Variants in LINGO2 observed in about 807,000 individuals in gnomAD.
LINGO2 encodes leucine-rich repeat and immunoglobulin-like domain-containing nogo receptor-interacting protein 2.
A neutral mutation model predicts 30.6 loss-of-function variants in LINGO2; 14 were observed. The observed-to-expected ratio is 0.46, with a 90% CI of 0.30 to 0.72. The LOEUF (loss-of-function observed/expected upper bound fraction) is 0.72, where lower values mean the gene tolerates loss of function less well. LINGO2 is among the 30% of genes least tolerant of loss of function. The pLI, the probability that LINGO2 is intolerant of heterozygous loss-of-function variation, is 0.07. For missense variants in LINGO2, 729 were observed against 751.7 expected, an observed-to-expected ratio of 0.97 and a Z score of 0.35; for synonymous variants, 317 against 288.5, an observed-to-expected ratio of 1.10 and a Z score of -1.00.
chr9:29,057,266 G>C, the LINGO2 span, among the ~76,000 whole-genome samples: 2 of 151,982 alleles, frequency 1.3e-5, no homozygotes, highest in Admixed American at 6.6e-5. Context: ...CTAAAATTAT[G>C]TATTAAAATA....
At chr9:28,379,186 G>A (rs763289046) in intron 2 of LINGO2, among the ~76,000 whole-genome samples, 12 of 152,054 alleles carry the variant, frequency 7.9e-5, no homozygotes, top group African/African-American at 2.9e-4. Flanking sequence ...GGTAAATTTT[G>A]AAGGAAGTAT....
At chr9:28,572,518 CG>C (rs1823745729) in intron 1 of LINGO2, among the ~76,000 whole-genome samples, 1 of 152,134 alleles carries the variant, frequency 6.6e-6, no homozygotes, top group South Asian at 2.1e-4. Flanking sequence ...ACAACAAGGC[CG>C]CTCTTCATGG....
intron 1 of LINGO2, among the ~76,000 whole-genome samples, chr9:28,640,886 G>C (rs142855254): frequency 6.6e-6 from 1 of 152,150 alleles, no homozygotes; most frequent in Non-Finnish European, 1.5e-5. Context: ...CGTTCCTTTA[G>C]AGGAGGAGAG....
chr9:28,728,060 A>AGT, the LINGO2 span, among the ~76,000 whole-genome samples: 1 of 152,222 alleles, frequency 6.6e-6, no homozygotes, highest in Admixed American at 6.5e-5. Flanking sequence ...GGAAATTAAA[A>AGT]GTGGTCAGAA....
At chr9:28,409,976 G>A (rs1317874378) in intron 2 of LINGO2, among the ~76,000 whole-genome samples, 2 of 148,164 alleles carry the variant, frequency 1.3e-5, no homozygotes, top group Admixed American at 6.7e-5. Context: ...GGGAGGGAGA[G>A]AAATAAAGGG....
the LINGO2 span, among the ~76,000 whole-genome samples, chr9:28,799,183 A>C: frequency 6.6e-6 from 1 of 152,140 alleles, no homozygotes; most frequent in African/African-American, 2.4e-5. Flanking sequence ...ATGAAGGAGT[A>C]GTGTTAGAAA....
chr9:29,112,355 A>G, the LINGO2 span, among the ~76,000 whole-genome samples: 1 of 152,094 alleles, frequency 6.6e-6, no homozygotes, highest in Non-Finnish European at 1.5e-5. Context: ...CTGAAACTCT[A>G]GGGACCTGGC....
the LINGO2 span, among the ~76,000 whole-genome samples, chr9:28,881,861 G>A: frequency 1.3e-5 from 2 of 152,158 alleles, no homozygotes; most frequent in African/African-American, 4.8e-5. Context: ...GTGTCCATGT[G>A]TGCTCATCAT....
the LINGO2 span, among the ~76,000 whole-genome samples, chr9:29,166,720 C>T: frequency 6.6e-6 from 1 of 152,120 alleles, no homozygotes; most frequent in Non-Finnish European, 1.5e-5. Context: ...AAACTCCTTA[C>T]ATAACTTCAG....
the LINGO2 span, among the ~76,000 whole-genome samples, chr9:28,739,451 GA>G: frequency 6.6e-6 from 1 of 151,790 alleles, no homozygotes; most frequent in Non-Finnish European, 1.5e-5. Context: ...AATCATGAAT[GA>G]AAAGAGTAAA....
the LINGO2 span, among the ~76,000 whole-genome samples, chr9:29,017,037 A>G: frequency 6.6e-6 from 1 of 152,178 alleles, no homozygotes; most frequent in African/African-American, 2.4e-5. Context: ...TGGCATAATT[A>G]TAAGATTTTA....
At chr9:29,102,830 T>C in the LINGO2 span, among the ~76,000 whole-genome samples, 1 of 152,156 alleles carries the variant, frequency 6.6e-6, no homozygotes, top group East Asian at 1.9e-4. Context: ...ACATGTTACA[T>C]TAAAATTCTA....
chr9:28,608,573 G>T (rs1825787885), intron 1 of LINGO2, among the ~76,000 whole-genome samples: 1 of 151,898 alleles, frequency 6.6e-6, no homozygotes, highest in Admixed American at 6.6e-5. Flanking sequence ...GTTTGTTGAA[G>T]TTTAATAGCT....
chr9:28,147,868 T>G lies in LINGO2; in HGVS notation c.-86-135463A>C, dbSNP rs970124784. On this transcript the variant is annotated intron_variant, in intron 4 of 5. Transcript: ENST00000379992. The surrounding 1 kb of genome is among the most constrained non-coding windows in gnomAD (Gnocchi z 4.7). The stretch of plus-strand genomic sequence containing the variant: ...CACCCTGGCTCTGTCACCAGCCCCA[T>G]AGTGATGTCATAAACTCCCAGATGC... Among the ~76,000 whole-genome samples, 6 of 152,070 alleles carry G rather than the reference T, an allele frequency of 3.9e-5. No homozygotes were observed. The East Asian group carries it at 1.2e-3, about 29-fold the overall frequency.
At chr9:28,331,993 T>G (rs10812782) in intron 3 of LINGO2, among the ~76,000 whole-genome samples, 55,086 of 152,024 alleles carry the variant, frequency 0.36, 10,796 homozygotes, top group Non-Finnish European at 0.44. Context: ...CATTTGTAGA[T>G]AATAAAGTTC....
intron 4 of LINGO2, among the ~76,000 whole-genome samples, chr9:28,144,024 A>G (rs1827746303): frequency 6.6e-6 from 1 of 152,158 alleles, no homozygotes; most frequent in Admixed American, 6.5e-5. Flanking sequence ...TTAATAATGG[A>G]TATATTGAAT....
intron 4 of LINGO2, among the ~76,000 whole-genome samples, chr9:28,210,469 A>G (rs1007250194): frequency 5.9e-5 from 9 of 151,708 alleles, no homozygotes; most frequent in Non-Finnish European, 1.3e-4. Flanking sequence ...TTTATAATAG[A>G]TGCTGTTCAT....
At chr9:28,820,096 G>T in the LINGO2 span, among the ~76,000 whole-genome samples, 3 of 152,120 alleles carry the variant, frequency 2.0e-5, no homozygotes, top group Admixed American at 6.6e-5. Context: ...TAACCAGGAT[G>T]TCTAAGAACA....
At chr9:28,526,002 G>C (rs1395046691) in intron 1 of LINGO2, among the ~76,000 whole-genome samples, 1 of 130,106 alleles carries the variant, frequency 7.7e-6, no homozygotes, top group Non-Finnish European at 1.5e-5. Flanking sequence ...CTTCCAGTGA[G>C]CCGAGATTGC....
Sources: allele counts gnomAD v4.1 joint callset (sites outside exome capture counted in the v4.1 genomes callset), GRCh38; gene constraint gnomAD v4.1.1; non-coding constraint Gnocchi (gnomAD v3.1); transcripts MANE v1.5; gene names NCBI Gene and HGNC (gene_info 2026-07-23, HGNC 2026-07-21).